The following ARSK variants were observed in gnomAD, a reference collection of about 807,000 sequenced individuals.
ARSK encodes the protein arylsulfatase family member K.
Under a neutral mutation model 53.2 loss-of-function variants are expected in ARSK, and 37 were observed. That is an observed-to-expected ratio of 0.70 (90% CI 0.54 to 0.92). The LOEUF (loss-of-function observed/expected upper bound fraction) is 0.92, where lower values mean the gene tolerates loss of function less well. ARSK is among the 40% of genes least tolerant of loss of function. The probability of loss-of-function intolerance (pLI) is 0.00; values close to 1 mark genes in which losing one functional copy is unlikely to be tolerated. For synonymous variants in ARSK, 208 were observed against 223.2 expected (o/e 0.93, Z 0.61); for missense variants, 613 against 643.0 (o/e 0.95, Z 0.51).
chr5:95,593,818 C>T (rs1749256956), intron 6 of ARSK, among the ~76,000 whole-genome samples: 1 of 150,648 alleles, frequency 6.6e-6, no homozygotes, highest in Admixed American at 6.6e-5. Flanking sequence ...AGGTTTTTTT[C>T]CTGCAATTTG....
intron 5 of ARSK, among the ~76,000 whole-genome samples, chr5:95,589,771 T>C (rs1260333014): frequency 6.6e-6 from 1 of 152,230 alleles, no homozygotes; most frequent in Non-Finnish European, 1.5e-5. Flanking sequence ...TAGAATGATG[T>C]ATATTCCTTT....
chr5:95,575,257 A>G (rs1473383272), intron 3 of ARSK, among the ~76,000 whole-genome samples: 2 of 152,224 alleles, frequency 1.3e-5, no homozygotes, highest in African/African-American at 2.4e-5. Flanking sequence ...GCTCTGTAGT[A>G]TAATTTGAAG....
rs942690895 is a variant in ARSK, at chr5:95,555,986, T to G, written c.126+582T>G. Among the ~76,000 whole-genome samples, 4 of 152,198 alleles carry G rather than the reference T, an allele frequency of 2.6e-5. No homozygotes were observed. Among genetic ancestry groups the G allele is most frequent in the Non-Finnish European group, 4.4e-5 (3 of 68,032 alleles). On this transcript the variant is annotated intron_variant, in intron 1 of 7. Transcript: ENST00000380009. The surrounding 1 kb of genome is among the most constrained non-coding windows in gnomAD (Gnocchi z 4.0). The stretch of plus-strand genomic sequence containing the variant: ...GTGGCTGAATCCCAAACTTAAACAG[T>G]TTTTGAAACTTTCCCAAGCCAAAGG...
intron 1 of ARSK, among the ~76,000 whole-genome samples, chr5:95,562,825 GC>G (rs2112412820): frequency 6.6e-6 from 1 of 152,286 alleles, no homozygotes; most frequent in East Asian, 1.9e-4. Flanking sequence ...CATAGGAATG[GC>G]CTTGAGAAAA....
Position 95,555,151 on chromosome 5 carries a change from C to A in ARSK, c.-128C>A. 1.3e-6 allele frequency: 1 copy of A among 770,596 alleles called. No homozygotes were observed. Among genetic ancestry groups the A allele is most frequent in the Non-Finnish European group, 2.0e-6 (1 of 498,152 alleles). The allele number at this position is 770,596 out of a possible 1,614,324, so 47.7% of individuals were successfully genotyped here. A position where few individuals can be genotyped will look rare whatever the true frequency, so the allele number is the denominator to read the frequency against. ...TTGTAGTTCTGCGGGTGAAGCTCGG[C>A]GTTACTATCAAGCAACCAAACTGCA... On this transcript the variant is annotated 5_prime_UTR_variant, in exon 1 of 8. Coordinates refer to ENST00000380009, the MANE Select transcript of ARSK (RefSeq NM_198150.3). The surrounding 1 kb of genome is among the most constrained non-coding windows in gnomAD (Gnocchi z 4.0).
In ARSK at chr5:95,603,442, C is replaced by T. The variant is rs779254155; in HGVS notation, c.1527C>T (p.His509=). ...YSNVIANLRW[H]QDWQKEPRKY... Reference sequence around the variant, plus strand: ...ACGTTATAGCAAATCTTAGGTGGCACCAAGACTGGCAGAAGGAACCAAGGA... The same window carrying T: ...ACGTTATAGCAAATCTTAGGTGGCATCAAGACTGGCAGAAGGAACCAAGGA... The change falls in exon 8 of 8, where the codon CAC becomes CAT. Residue 509 remains histidine, a synonymous_variant. Transcript: ENST00000380009. 1.2e-6 allele frequency: 2 copies of T among 1,613,354 alleles called. No homozygotes were observed. The highest frequency in any genetic ancestry group is 1.3e-5 in the African/African-American group (1 of 74,846).
chr5:95,576,146 C>T (rs1748920171), intron 3 of ARSK, among the ~76,000 whole-genome samples: 2 of 150,786 alleles, frequency 1.3e-5, no homozygotes, highest in Non-Finnish European at 2.9e-5. Flanking sequence ...TTGAAATGAT[C>T]ATATGGTTTT....
intron 3 of ARSK, among the ~76,000 whole-genome samples, chr5:95,572,328 G>T (rs1363654638): frequency 6.6e-6 from 1 of 152,164 alleles, no homozygotes; most frequent in Non-Finnish European, 1.5e-5. Context: ...GCTTTCACTA[G>T]ATGGCTTTAA....
chr5:95,576,655 C>T (rs1190171768), intron 3 of ARSK, among the ~76,000 whole-genome samples: 1 of 150,698 alleles, frequency 6.6e-6, no homozygotes, highest in Non-Finnish European at 1.5e-5. Flanking sequence ...GAGGCCAAGG[C>T]GGGTGGATCA....
Position 95,576,001 on chromosome 5 carries a change from A to G in ARSK, c.417-6915A>G, listed in dbSNP as rs1272583995. Among the ~76,000 whole-genome samples the G allele has an allele frequency of 5.3e-5, 8 of 151,970 alleles. No individual in the cohort carries two copies. In the South Asian group the frequency reaches 1.5e-3, roughly 28 times the overall value. On this transcript the variant is annotated intron_variant, in intron 3 of 7. Coordinates refer to ENST00000380009, the MANE Select transcript of ARSK (RefSeq NM_198150.3). ...GACTTTCAGTTTTTCCTCATTCAGC[A>G]TGATACTAGCTGTGGGTCTGTTGTA...
chr5:95,577,105 C>T (rs1003028174), intron 3 of ARSK, among the ~76,000 whole-genome samples: 5 of 152,180 alleles, frequency 3.3e-5, no homozygotes, highest in Admixed American at 2.0e-4. Flanking sequence ...GATGTGTCTG[C>T]TGCAATGACT....
At chr5:95,564,912 A>C (rs1472404922) in intron 1 of ARSK, among the ~76,000 whole-genome samples, 1 of 152,092 alleles carries the variant, frequency 6.6e-6, no homozygotes, top group Non-Finnish European at 1.5e-5. Context: ...AAAACCATGA[A>C]TATGTTAAAT....
chr5:95,596,748 A>G (rs1036246879), intron 6 of ARSK, among the ~76,000 whole-genome samples: 1 of 152,160 alleles, frequency 6.6e-6, no homozygotes, highest in Non-Finnish European at 1.5e-5. Flanking sequence ...TTCCTGTTTT[A>G]ATAAACCTAT....
At chr5:95,595,205 A>C (rs999983290) in intron 6 of ARSK, among the ~76,000 whole-genome samples, 11 of 152,200 alleles carry the variant, frequency 7.2e-5, no homozygotes, top group African/African-American at 2.7e-4. Flanking sequence ...GAGGCTGCAG[A>C]GAAAGGGGAA....
chr5:95,579,527 T>G (rs1748987353), intron 3 of ARSK, among the ~76,000 whole-genome samples: 1 of 152,162 alleles, frequency 6.6e-6, no homozygotes, highest in East Asian at 1.9e-4. Flanking sequence ...TCAATTACAA[T>G]GAGTCCCATC....
chr5:95,593,542 T>C (rs1315141450), intron 6 of ARSK, among the ~76,000 whole-genome samples: 1 of 152,218 alleles, frequency 6.6e-6, no homozygotes, highest in Non-Finnish European at 1.5e-5. Flanking sequence ...AAGATACCAT[T>C]ATTACTTCTT....
intron 3 of ARSK, among the ~76,000 whole-genome samples, chr5:95,574,242 T>G (rs1748885145): frequency 6.6e-6 from 1 of 152,210 alleles, no homozygotes; most frequent in Non-Finnish European, 1.5e-5. Flanking sequence ...TTTATCCATT[T>G]GTCTGTTGAT....
chr5:95,563,974 T>C (rs1230122729), intron 1 of ARSK, among the ~76,000 whole-genome samples: 2 of 122,904 alleles, frequency 1.6e-5, no homozygotes, highest in East Asian at 2.7e-4. Flanking sequence ...GGCTATGCAC[T>C]TTTTTTTTTT....
intron 3 of ARSK, among the ~76,000 whole-genome samples, chr5:95,579,533 C>G (rs1240739133): frequency 2.0e-5 from 3 of 152,118 alleles, no homozygotes; most frequent in Admixed American, 6.5e-5. Context: ...ACAATGAGTC[C>G]CATCAGGTCC....
Sources: allele counts gnomAD v4.1 joint callset (sites outside exome capture counted in the v4.1 genomes callset), GRCh38; gene constraint gnomAD v4.1.1; non-coding constraint Gnocchi (gnomAD v3.1); transcripts MANE v1.5; gene names NCBI Gene and HGNC (gene_info 2026-07-23, HGNC 2026-07-21).